The following ZNF479 variants were observed in gnomAD, a reference collection of about 807,000 sequenced individuals.
ZNF479 encodes the protein zinc finger protein 479.
In ZNF479, 15 loss-of-function variants were observed where a neutral mutation model predicts 14.7. The observed-to-expected ratio is 1.02, with a 90% confidence interval of 0.68 to 1.57. The LOEUF (loss-of-function observed/expected upper bound fraction) is 1.57. Among genes scored for constraint, ZNF479 ranks in the 40% most tolerant of loss-of-function variants. The probability of loss-of-function intolerance (pLI) is 0.00; values close to 1 mark genes in which losing one functional copy is unlikely to be tolerated. For missense variants in ZNF479, 506 were observed against 615.1 expected, an observed-to-expected ratio of 0.82 and a Z score of 1.88; for synonymous variants, 145 against 211.5, an observed-to-expected ratio of 0.69 and a Z score of 2.73.
chr7:57,135,364 T>C (rs750216868), upstream of ZNF479, among the ~76,000 whole-genome samples: 2 of 152,156 alleles, frequency 1.3e-5, no homozygotes, highest in African/African-American at 4.8e-5. Context: ...TAAAATTAGA[T>C]TGGGCATTAT....
chr7:57,134,127 T>C (rs1428061144), upstream of ZNF479, among the ~76,000 whole-genome samples: 1 of 152,072 alleles, frequency 6.6e-6, no homozygotes, highest in Non-Finnish European at 1.5e-5. Flanking sequence ...CTGGAATAGG[T>C]GCTGGGTAAA....
At chr7:57,128,229 G>T (rs1417390667) in intron 1 of ZNF479, among the ~76,000 whole-genome samples, 1 of 152,146 alleles carries the variant, frequency 6.6e-6, no homozygotes, top group East Asian at 1.9e-4. Flanking sequence ...CAAAGCCATT[G>T]TGTCTGGCCT....
intron 1 of ZNF479, among the ~76,000 whole-genome samples, chr7:57,138,850 T>C (rs1331260417): frequency 6.6e-6 from 1 of 152,188 alleles, no homozygotes; most frequent in African/African-American, 2.4e-5. Context: ...CACTGACAGA[T>C]ACAGTCCACA....
upstream of ZNF479, among the ~76,000 whole-genome samples, chr7:57,136,711 C>A (rs1275963456): frequency 2.6e-5 from 4 of 152,190 alleles, no homozygotes; most frequent in African/African-American, 9.6e-5. Flanking sequence ...CTCACAGTGG[C>A]AGCCCGGGTT....
At chr7:57,132,904 G>A (rs141022409), upstream of ZNF479, among the ~76,000 whole-genome samples, 1,134 of 152,202 alleles carry the variant, frequency 7.5e-3, 20 homozygotes, top group African/African-American at 0.026. Context: ...TTGGGAGGCC[G>A]AGGCCGGCAG....
chr7:57,122,125 C>G (rs1785981739), intron 3 of ZNF479, among the ~76,000 whole-genome samples: 2 of 151,922 alleles, frequency 1.3e-5, no homozygotes, highest in Admixed American at 6.6e-5. Context: ...AGTCACAAAC[C>G]AGAAGATAAT....
At chr7:57,136,168 G>C (rs1158869264), upstream of ZNF479, among the ~76,000 whole-genome samples, 2 of 152,152 alleles carry the variant, frequency 1.3e-5, no homozygotes, top group South Asian at 2.1e-4. Flanking sequence ...CGGATCACCT[G>C]AGGTCAGGAG....
intron 3 of ZNF479, among the ~76,000 whole-genome samples, chr7:57,121,559 C>T (rs1191720905): frequency 7.2e-5 from 11 of 152,070 alleles, no homozygotes; most frequent in East Asian, 1.9e-4. Flanking sequence ...AGGTGTAGAA[C>T]GTAGTTACTG....
At chr7:57,126,774 C>T in intron 1 of ZNF479, 56 bp from the exon 2 acceptor site, 12 of 1,602,142 alleles carry the variant, frequency 7.5e-6, no homozygotes, top group Non-Finnish European at 1.0e-5. Flanking sequence ...ACCACACGGC[C>T]ATAGGCAGAG....
intron 3 of ZNF479, 125 bp from the exon 4 acceptor site, chr7:57,121,277 A>G (rs1477641726): frequency 1.3e-6 from 1 of 741,450 alleles, no homozygotes; most frequent in African/African-American, 1.8e-5. Flanking sequence ...ACCACAGGCC[A>G]TAATTCCTTC....
upstream of ZNF479, among the ~76,000 whole-genome samples, chr7:57,134,787 G>A (rs1786573298): frequency 6.7e-6 from 1 of 148,338 alleles, no homozygotes; most frequent in African/African-American, 2.5e-5. Context: ...AGATTCTCCT[G>A]CCTCAGCCTC....
upstream of ZNF479, among the ~76,000 whole-genome samples, chr7:57,133,808 G>A (rs867513593): frequency 1.3e-5 from 2 of 152,054 alleles, no homozygotes; most frequent in Non-Finnish European, 2.9e-5. Context: ...AGAGGTTGCA[G>A]TGACCCGAGA....
intron 1 of ZNF479, among the ~76,000 whole-genome samples, chr7:57,129,313 C>A (rs1313213793): frequency 6.6e-6 from 1 of 152,154 alleles, no homozygotes; most frequent in Non-Finnish European, 1.5e-5. Context: ...TGGCCCCGCT[C>A]TATGCAACGT....
chr7:57,125,040 G>A (rs1359961634), intron 3 of ZNF479, among the ~76,000 whole-genome samples: 1 of 152,026 alleles, frequency 6.6e-6, no homozygotes, highest in African/African-American at 2.4e-5. Context: ...CATTGCCCTT[G>A]TTGCCTGGGA....
At chr7:57,138,869 A>T (rs1019033048) in intron 1 of ZNF479, among the ~76,000 whole-genome samples, 5 of 152,218 alleles carry the variant, frequency 3.3e-5, no homozygotes, top group Admixed American at 6.5e-5. Flanking sequence ...CAGTTGGATC[A>T]TGTCGGTCAC....
chr7:57,129,589 C>T (rs201209068), intron 1 of ZNF479, among the ~76,000 whole-genome samples: 246 of 147,376 alleles, frequency 1.7e-3, no homozygotes, highest in African/African-American at 3.2e-3. Context: ...GAATCTGCAC[C>T]TGGGAAACCT....
rs782475958 is a variant in ZNF479 at position 57,120,933 on chromosome 7, T to A, written c.482A>T (p.Lys161Ile). The change falls in exon 4 of 4, where the codon AAA becomes ATA. Residue 161 changes from lysine (K) to isoleucine (I), a missense_variant. Transcript: ENST00000319636. The stretch of plus-strand genomic sequence containing the variant: ...AAATTTACCAAAGACTTTGACATAT[T>A]TATGAGTCTGAAATATTTTGTTTTG... ...TTQNKIFQTH[K>I]YVKVFGKFSN... is the part of the protein sequence containing the mutation. The A allele has an allele frequency of 1.2e-6, 2 of 1,613,996 alleles. No individual in the cohort carries two copies. Among genetic ancestry groups the A allele is most frequent in the South Asian group, 2.2e-5 (2 of 91,076 alleles).
At chr7:57,133,695 T>C (rs1786528730), upstream of ZNF479, among the ~76,000 whole-genome samples, 1 of 152,068 alleles carries the variant, frequency 6.6e-6, no homozygotes, top group Non-Finnish European at 1.5e-5. Flanking sequence ...ATGAAACCCC[T>C]GCTCTACCAA....
At chr7:57,133,661 T>A (rs1432816534), upstream of ZNF479, among the ~76,000 whole-genome samples, 1 of 151,754 alleles carries the variant, frequency 6.6e-6, no homozygotes, top group African/African-American at 2.4e-5. Flanking sequence ...AAGTCAGGAG[T>A]TCGAGACCAG....
Sources: allele counts gnomAD v4.1 joint callset (sites outside exome capture counted in the v4.1 genomes callset), GRCh38; gene constraint gnomAD v4.1.1; transcripts MANE v1.5; gene names NCBI Gene and HGNC (gene_info 2026-07-23, HGNC 2026-07-21).